The following BICDL1 variants were observed in gnomAD, a reference collection of about 807,000 sequenced individuals.
BICDL1 encodes BICD family-like cargo adapter 1.
Under a neutral mutation model 76.8 loss-of-function variants are expected in BICDL1, and 20 were observed. That is an observed-to-expected ratio of 0.26 (90% confidence interval 0.18 to 0.38). BICDL1 has a LOEUF of 0.38. BICDL1 is among the 10% of genes least tolerant of loss of function. The pLI, the probability that BICDL1 is intolerant of heterozygous loss-of-function variation, is 1.00. For missense variants in BICDL1, 700 were observed against 798.6 expected, an observed-to-expected ratio of 0.88 and a Z score of 1.49; for synonymous variants, 383 against 337.1, an observed-to-expected ratio of 1.14 and a Z score of -1.49.
chr12:120,044,494 G>T (rs1273062952), intron 2 of BICDL1, among the ~76,000 whole-genome samples: 2 of 152,174 alleles, frequency 1.3e-5, no homozygotes, highest in African/African-American at 2.4e-5. Context: ...AGTTTGCTGA[G>T]TAGAATGTCA....
chr12:120,038,473 G>A (rs1052076850), intron 2 of BICDL1, among the ~76,000 whole-genome samples: 4 of 151,474 alleles, frequency 2.6e-5, no homozygotes, highest in African/African-American at 9.7e-5. Flanking sequence ...AATAGTATGT[G>A]GACATTGTTA....
chr12:120,031,684 G>A lies in BICDL1; in HGVS notation c.646-30026G>A, dbSNP rs1367255503. Reference sequence around the variant, plus strand: ...CAAATGTGTGTTGAAAGCATAAATGGCTTAATCAGATCAAAAAACAAAATC... The same window carrying A: ...CAAATGTGTGTTGAAAGCATAAATGACTTAATCAGATCAAAAAACAAAATC... On this transcript the variant is annotated intron_variant, in intron 2 of 9. Transcript: ENST00000548673. Among the ~76,000 whole-genome samples the A allele has an allele frequency of 4.6e-5, 7 of 152,250 alleles. No individual in the cohort carries two copies. The East Asian group carries it at 1.3e-3, about 29-fold the overall frequency.
In BICDL1 at chr12:120,029,498, A is replaced by G. The variant is rs116481442; in HGVS notation, c.645+30762A>G. Among the ~76,000 whole-genome samples the G allele has an allele frequency of 7.9e-3, 1,210 of 152,320 alleles. 17 individuals are homozygous for G. Among genetic ancestry groups the G allele is most frequent in the African/African-American group, 0.027 (1,104 of 41,566 alleles). On this transcript the variant is annotated intron_variant, in intron 2 of 9. Transcript: ENST00000548673. ...ACAGCAGCTTTCTTTAATAGCATCA[A>G]TGTCAAGCAGTGTATCTCAGAATTA...
At chr12:120,087,806 T>A (rs73410841) in intron 8 of BICDL1, among the ~76,000 whole-genome samples, 3,157 of 152,324 alleles carry the variant, frequency 0.021, 113 homozygotes, top group African/African-American at 0.072. Flanking sequence ...AACAAAGTAA[T>A]ACGTGAAACA....
At chr12:120,078,891 T>G (rs1425249619) in intron 7 of BICDL1, among the ~76,000 whole-genome samples, 1 of 152,266 alleles carries the variant, frequency 6.6e-6, no homozygotes, top group Non-Finnish European at 1.5e-5. Context: ...TCATTTGGCC[T>G]AAGAGGAGGT....
chr12:120,060,750 A>G (rs1190695121), intron 2 of BICDL1, among the ~76,000 whole-genome samples: 1 of 152,204 alleles, frequency 6.6e-6, no homozygotes, highest in Non-Finnish European at 1.5e-5. Context: ...ATTATATAGT[A>G]CTTGAAGATA....
chr12:119,995,804 G>T (rs901767546), intron 1 of BICDL1, among the ~76,000 whole-genome samples: 3 of 152,054 alleles, frequency 2.0e-5, no homozygotes, highest in Non-Finnish European at 2.9e-5. Context: ...GGCTAACACA[G>T]TGAAACCCTG....
At chr12:120,065,059 G>A (rs1046016011) in intron 4 of BICDL1, among the ~76,000 whole-genome samples, 180 bp downstream of exon 4, 1 of 152,252 alleles carries the variant, frequency 6.6e-6, no homozygotes, top group Admixed American at 6.5e-5. Context: ...CTGCCTAAAG[G>A]AAGTGCACTG....
intron 7 of BICDL1, among the ~76,000 whole-genome samples, chr12:120,076,744 C>T (rs998376351): frequency 2.6e-5 from 4 of 152,202 alleles, no homozygotes; most frequent in Non-Finnish European, 5.9e-5. Flanking sequence ...TCAGCCACAC[C>T]GCACGTAGCA....
intron 2 of BICDL1, among the ~76,000 whole-genome samples, chr12:120,040,751 C>T (rs1594154355): frequency 5.2e-5 from 7 of 134,302 alleles, no homozygotes; most frequent in East Asian, 2.1e-4. Flanking sequence ...ATAGGAAATA[C>T]TTTTTTTTTT....
In BICDL1 at chr12:120,010,838, C is replaced by G. The variant is rs545044591; in HGVS notation, c.645+12102C>G. Among the ~76,000 whole-genome samples, 3 of 152,270 alleles carry G rather than the reference C, an allele frequency of 2.0e-5. No individual in the cohort carries two copies. The South Asian group carries it at 6.2e-4, about 32-fold the overall frequency. Reference sequence around the variant, plus strand: ...GGGAAGTTAAGTGATTTGCTCAAGTCTGCAGTCCCAGTCCTCTGCTGCTTC... The same window carrying G: ...GGGAAGTTAAGTGATTTGCTCAAGTGTGCAGTCCCAGTCCTCTGCTGCTTC... On this transcript the variant is annotated intron_variant, in intron 2 of 9. Coordinates refer to ENST00000548673, the MANE Select transcript of BICDL1 (RefSeq NM_001367886.1).
chr12:120,057,311 T>A, intron 2 of BICDL1: 1 of 311,004 alleles, frequency 3.2e-6, no homozygotes, highest in South Asian at 2.6e-5. Flanking sequence ...GCCCATTTGA[T>A]TCAATTTTTT....
At chr12:120,031,613 T>G (rs1414661341) in intron 2 of BICDL1, among the ~76,000 whole-genome samples, 1 of 152,208 alleles carries the variant, frequency 6.6e-6, no homozygotes, top group Non-Finnish European at 1.5e-5. Flanking sequence ...AGTTTCCTTT[T>G]TGTGTGTGTA....
intron 9 of BICDL1, chr12:120,092,730 A>G: frequency 2.0e-6 from 2 of 985,440 alleles, no homozygotes; most frequent in Non-Finnish European, 2.4e-6. Flanking sequence ...CCGAGCCATC[A>G]GCTGAGGACT....
intron 2 of BICDL1, chr12:120,000,274 C>G (rs1265298725): frequency 6.5e-6 from 1 of 153,232 alleles, no homozygotes; most frequent in Non-Finnish European, 1.5e-5. Flanking sequence ...CTGCAGGTTT[C>G]CCATCTGGAG....
In BICDL1 at chr12:119,989,513, G is replaced by T. The variant is rs1315253299; in HGVS notation, c.-356G>T. On this transcript the variant is annotated 5_prime_UTR_variant, in exon 1 of 10. Transcript: ENST00000548673. ...CAACAGGGCGGCTGAGAACCCGGCGGCGGCGTTCCTCCTCGCTTCCTCCCC... is the reference window on the plus strand; with the variant it reads ...CAACAGGGCGGCTGAGAACCCGGCGTCGGCGTTCCTCCTCGCTTCCTCCCC... Among the ~76,000 whole-genome samples the T allele has an allele frequency of 6.6e-6, 1 of 150,402 alleles. No homozygotes were observed. Among genetic ancestry groups the T allele is most frequent in the Non-Finnish European group, 1.5e-5 (1 of 67,374 alleles).
intron 2 of BICDL1, among the ~76,000 whole-genome samples, chr12:120,024,708 AAC>A (rs887972620): frequency 1.3e-5 from 2 of 151,900 alleles, no homozygotes; most frequent in African/African-American, 4.8e-5. Flanking sequence ...TCTTTTTTTT[AAC>A]AGAGTCTCAC....
In BICDL1 at chr12:120,089,999, G is replaced by A. The variant is rs1267748075; in HGVS notation, c.1632G>A (p.Met544Ile). ...TTGCCAAGTGCAGGATGGATATGAT[G>A]TCTCTGAACAGCCAGTTGCTGGATG... ...LELAKCRMDM[M>I]SLNSQLLDAI... Residue 544 changes from methionine (M) to isoleucine (I), a missense_variant, in exon 9 of 10, where the codon ATG (methionine) becomes ATA (isoleucine). By Grantham distance (10) the Met-to-Ile change is conservative. Coordinates refer to ENST00000548673, the MANE Select transcript of BICDL1 (RefSeq NM_001367886.1). The A allele has an allele frequency of 6.2e-7, 1 of 1,614,218 alleles. No homozygotes were observed. Among genetic ancestry groups the A allele is most frequent in the Non-Finnish European group, 8.5e-7 (1 of 1,180,038 alleles).
intron 8 of BICDL1, among the ~76,000 whole-genome samples, chr12:120,085,148 G>A (rs1474238612): frequency 6.6e-6 from 1 of 151,980 alleles, no homozygotes; most frequent in East Asian, 1.9e-4. Flanking sequence ...GGATACTTAA[G>A]TAACAGTGTG....
Sources: allele counts gnomAD v4.1 joint callset (sites outside exome capture counted in the v4.1 genomes callset), GRCh38; gene constraint gnomAD v4.1.1; transcripts MANE v1.5; gene names NCBI Gene and HGNC (gene_info 2026-07-23, HGNC 2026-07-21).